Variants in COL23A1 observed in about 807,000 individuals in gnomAD.
The protein encoded by COL23A1 is collagen alpha-1(XXIII) chain.
A neutral mutation model predicts 99.3 loss-of-function variants in COL23A1; 97 were observed. The ratio of observed to expected loss-of-function variants is 0.98; its 90% CI spans 0.83 to 1.16. The LOEUF (loss-of-function observed/expected upper bound fraction) is 1.16, where lower values mean the gene tolerates loss of function less well. Among genes scored for constraint, COL23A1 ranks in the 50% most tolerant of loss-of-function variants. The pLI is 0.00. For synonymous variants in COL23A1, 320 were observed against 308.2 expected (o/e 1.04, Z -0.40); for missense variants, 762 against 757.4 (o/e 1.01, Z -0.07).
At chr5:178,577,769 C>T (rs886104089) in intron 1 of COL23A1, among the ~76,000 whole-genome samples, 9 of 152,248 alleles carry the variant, frequency 5.9e-5, no homozygotes, top group African/African-American at 2.2e-4. Context: ...AGCCCCTTTC[C>T]AGAAGAGGAA....
chr5:178,294,987 C>CAACAA (rs112952760), intron 3 of COL23A1, among the ~76,000 whole-genome samples: 94 of 152,186 alleles, frequency 6.2e-4, no homozygotes, highest in South Asian at 2.9e-3. Context: ...ATTAAAAATA[C>CAACAA]AACAAAACAA....
At position 178,273,736 on chromosome 5, in the gene COL23A1, C is replaced by T. The variant is rs1193199909; in HGVS notation, c.442-3373G>A. Among the ~76,000 whole-genome samples the T allele has an allele frequency of 2.6e-5, 4 of 152,302 alleles. No homozygotes were observed. The East Asian group carries it at 5.8e-4, about 22-fold the overall frequency. ...CCTGGGCAAGAAAGCTGTCCCCAGG[C>T]CCCCGAGCTTTCTGTGTGGGGCAGT... On this transcript the variant is annotated intron_variant, in intron 5 of 28. Coordinates refer to ENST00000390654, the MANE Select transcript of COL23A1 (RefSeq NM_173465.4).
chr5:178,438,004 T>G (rs1766656912), intron 2 of COL23A1, among the ~76,000 whole-genome samples: 1 of 152,182 alleles, frequency 6.6e-6, no homozygotes, highest in South Asian at 2.1e-4. Flanking sequence ...GGCTGCTGCT[T>G]AGGCCTCAAA....
intron 2 of COL23A1, among the ~76,000 whole-genome samples, chr5:178,372,492 AG>A (rs1291299849): frequency 1.1e-4 from 16 of 152,256 alleles, no homozygotes; most frequent in African/African-American, 3.9e-4. Flanking sequence ...CAGCGTCCAC[AG>A]GAACGAAATC....
chr5:178,491,778 A>G (rs536647514), intron 2 of COL23A1, among the ~76,000 whole-genome samples: 1 of 152,298 alleles, frequency 6.6e-6, no homozygotes, highest in Admixed American at 6.5e-5. Context: ...TCTGTCACCC[A>G]GGCTGGAGTG....
intron 2 of COL23A1, among the ~76,000 whole-genome samples, chr5:178,357,956 ATG>A (rs746929406): frequency 3.0e-4 from 43 of 142,442 alleles, no homozygotes; most frequent in Admixed American, 5.0e-4. Context: ...GTGTATGTAT[ATG>A]TGTGTATGTG....
intron 2 of COL23A1, among the ~76,000 whole-genome samples, chr5:178,533,869 T>A (rs889186454): frequency 1.3e-5 from 2 of 152,200 alleles, no homozygotes; most frequent in African/African-American, 4.8e-5. Flanking sequence ...TTTTGTATCA[T>A]TCGTCTATTG....
rs137862465 is a variant in COL23A1 at position 178,478,673 on chromosome 5, A to G, written c.361+82009T>C. 6.3e-3 allele frequency among the ~76,000 whole-genome samples: 952 copies of G among 152,188 alleles called. 13 individuals are homozygous for G. The highest frequency in any genetic ancestry group is 0.022 in the African/African-American group (913 of 41,510). On this transcript the variant is annotated intron_variant, in intron 2 of 28. Transcript: ENST00000390654. ...GAGAGTGTCTGGAGAAATCAAGTTA[A>G]TGTTTTCAATTAATATTTGGGAAAA...
chr5:178,554,762 T>G (rs1762180160), intron 2 of COL23A1, among the ~76,000 whole-genome samples: 1 of 151,890 alleles, frequency 6.6e-6, no homozygotes, highest in South Asian at 2.1e-4. Flanking sequence ...TGTCCCATGC[T>G]CCAAGTCAGT....
At chr5:178,463,418 T>C (rs1756234913) in intron 2 of COL23A1, among the ~76,000 whole-genome samples, 1 of 152,182 alleles carries the variant, frequency 6.6e-6, no homozygotes, top group Non-Finnish European at 1.5e-5. Flanking sequence ...AGTGAAACTG[T>C]TACCGGGTCT....
rs375267358 is a variant in COL23A1 at position 178,350,500 on chromosome 5, G to C, written c.362-43581C>G. On this transcript the variant is annotated intron_variant, in intron 2 of 28. Coordinates refer to ENST00000390654, the MANE Select transcript of COL23A1 (RefSeq NM_173465.4). ...ACAGAGGGGTGGCTGGGCCCAGCGC[G>C]ATGTCAGGACTCTGCAATGTGGGGA... Among the ~76,000 whole-genome samples, 225 of 152,284 alleles carry C rather than the reference G, an allele frequency of 1.5e-3. 4 individuals are homozygous for C. In the South Asian group the frequency reaches 0.039, roughly 27 times the overall value.
intron 2 of COL23A1, among the ~76,000 whole-genome samples, chr5:178,461,676 C>G (rs931552085): frequency 1.3e-5 from 2 of 152,164 alleles, no homozygotes; most frequent in Non-Finnish European, 2.9e-5. Context: ...CCTCAGTCTC[C>G]TCACCTGTAA....
At chr5:178,542,103 A>C (rs1024984994) in intron 2 of COL23A1, among the ~76,000 whole-genome samples, 4 of 152,176 alleles carry the variant, frequency 2.6e-5, no homozygotes, top group Non-Finnish European at 5.9e-5. Flanking sequence ...GGCTCACTGC[A>C]ACCTCCGCCT....
intron 5 of COL23A1, among the ~76,000 whole-genome samples, chr5:178,273,583 G>C (rs1756415723): frequency 6.6e-6 from 1 of 152,240 alleles, no homozygotes; most frequent in Non-Finnish European, 1.5e-5. Context: ...CTGAAGGGAA[G>C]TCAAGTCCAA....
intron 2 of COL23A1, among the ~76,000 whole-genome samples, chr5:178,389,141 C>G (rs909018368): frequency 3.3e-5 from 5 of 151,492 alleles, no homozygotes; most frequent in African/African-American, 4.9e-5. Context: ...TTTACATAAC[C>G]CAGCCTTGAC....
At chr5:178,585,127 G>A (rs967033730) in intron 1 of COL23A1, among the ~76,000 whole-genome samples, 1 of 152,154 alleles carries the variant, frequency 6.6e-6, no homozygotes, top group South Asian at 2.1e-4. Context: ...CAGAAATTTT[G>A]TGGTTGAAGA....
At chr5:178,397,537 C>T (rs1160303737) in intron 2 of COL23A1, among the ~76,000 whole-genome samples, 4 of 152,254 alleles carry the variant, frequency 2.6e-5, no homozygotes, top group African/African-American at 9.6e-5. Flanking sequence ...CCTGCCTGTT[C>T]ACGGGCATCC....
chr5:178,457,458 G>A (rs61562605), intron 2 of COL23A1, among the ~76,000 whole-genome samples: 13,762 of 151,988 alleles, frequency 0.091, 1,532 homozygotes, highest in East Asian at 0.49. Flanking sequence ...CAAGTGATCC[G>A]CCCATCTCGG....
chr5:178,301,355 C>G (rs1294651140), intron 3 of COL23A1, among the ~76,000 whole-genome samples: 1 of 152,202 alleles, frequency 6.6e-6, no homozygotes, highest in Non-Finnish European at 1.5e-5. Context: ...TTTATTTCTT[C>G]AAACATGGTT....
Sources: gnomAD v4.1 joint callset for allele counts (sites outside exome capture counted in the v4.1 genomes callset) on GRCh38, gnomAD v4.1.1 for gene constraint, MANE v1.5 for transcripts, NCBI Gene and HGNC (gene_info 2026-07-23, HGNC 2026-07-21) for gene names.